Variants in DGKZ observed in about 807,000 individuals in gnomAD.
The protein encoded by DGKZ is diacylglycerol kinase zeta.
DGKZ carries 45 observed loss-of-function variants against 142.5 expected under a neutral mutation model. The observed-to-expected ratio is 0.32, with a 90% CI of 0.25 to 0.40. The LOEUF is 0.40. Among genes scored for constraint, DGKZ ranks in the 10% least tolerant of loss-of-function variants. The pLI, the probability that DGKZ is intolerant of heterozygous loss-of-function variation, is 1.00. For missense variants in DGKZ, 755 were observed against 1,306.5 expected (o/e 0.58, Z 6.51); for synonymous variants, 442 against 527.0 (o/e 0.84, Z 2.21).
At chr11:46,365,174 T>C (rs1297245794) in intron 1 of DGKZ, 1 of 985,186 alleles carries the variant, frequency 1.0e-6, no homozygotes, top group Non-Finnish European at 1.2e-6. Flanking sequence ...GGAGCTAGGA[T>C]GATGCCCACA....
chr11:46,371,665 C>T, intron 8 of DGKZ, 39 bp from the exon 9 acceptor site: 2 of 1,613,896 alleles, frequency 1.2e-6, no homozygotes, highest in Non-Finnish European at 1.7e-6. Flanking sequence ...CTACCCCAGC[C>T]TGCCCACCTC....
rs1328114849 is a variant in DGKZ at position 46,375,428 on chromosome 11, A to G, written c.1711-4A>G. 2 of 1,566,754 alleles carry G rather than the reference A, an allele frequency of 1.3e-6. No homozygotes were observed. The highest frequency in any genetic ancestry group is 8.6e-7 in the Non-Finnish European group (1 of 1,161,624). ...CATCTGACCCAAGCTTCCTGTGCCC[A>G]CAGGCCGCGCTGCAGGTGGGCGGAC... On this transcript the variant is annotated splice_region_variant and splice_polypyrimidine_tract_variant and intron_variant, in intron 19 of 30. Transcript: ENST00000527911.
At chr11:46,362,242 A>C (rs1942744873) in intron 1 of DGKZ, among the ~76,000 whole-genome samples, 1 of 152,116 alleles carries the variant, frequency 6.6e-6, no homozygotes, top group African/African-American at 2.4e-5. Flanking sequence ...GGCCCTGCCC[A>C]GGGTGTGGAG....
rs1407418728 is a variant in DGKZ at position 46,374,465 on chromosome 11, T to C, written c.1461+11T>C. On this transcript the variant is annotated intron_variant, in intron 16 of 30. Coordinates refer to ENST00000527911, the Ensembl canonical transcript of DGKZ. Reference sequence around the variant, plus strand: ...ATGTTCTACGCCGGGGTGAGTGGGGTCTGCACCCCCGCCTGTGCCCACCTC... The same window carrying C: ...ATGTTCTACGCCGGGGTGAGTGGGGCCTGCACCCCCGCCTGTGCCCACCTC... The C allele has an allele frequency of 6.2e-7, 1 of 1,613,744 alleles. No individual in the cohort carries two copies.
intron 1 of DGKZ, chr11:46,366,051 C>A: frequency 2.0e-6 from 2 of 985,418 alleles, no homozygotes; most frequent in Non-Finnish European, 1.2e-6. Flanking sequence ...CTGGGATCCT[C>A]ACATGGAGGT....
chr11:46,370,055 T>C, intron 6 of DGKZ, 46 bp downstream of exon 6: 1 of 1,608,562 alleles, frequency 6.2e-7, no homozygotes, highest in Non-Finnish European at 8.5e-7. Context: ...CCTGCGGTCC[T>C]GAGCCCAGGC....
chr11:46,355,200 C>T (rs1394516563), intron 1 of DGKZ, among the ~76,000 whole-genome samples: 1 of 152,102 alleles, frequency 6.6e-6, no homozygotes, highest in African/African-American at 2.4e-5. Context: ...GCTCTGCCTC[C>T]CGGGTTCAGG....
rs1268697820 is a variant in DGKZ at position 46,378,514 on chromosome 11, G to A, written c.2418+14G>A. 3 of 1,613,000 alleles carry A rather than the reference G, an allele frequency of 1.9e-6. No individual in the cohort carries two copies. Among genetic ancestry groups the A allele is most frequent in the Non-Finnish European group, 2.5e-6 (3 of 1,179,848 alleles). On this transcript the variant is annotated intron_variant, in intron 27 of 30. Coordinates refer to ENST00000527911, the Ensembl canonical transcript of DGKZ. ...GACTTCTGTAAGGTACTAGCTCCAG[G>A]CTCCAGTTCCTTCCCCCAGCAGCTC...
intron 1 of DGKZ, among the ~76,000 whole-genome samples, chr11:46,350,501 C>T (rs1941236517): frequency 6.6e-6 from 1 of 152,108 alleles, no homozygotes; most frequent in Admixed American, 6.5e-5. Flanking sequence ...ATCCCGCCCC[C>T]TCCCCACCCC....
intron 24 of DGKZ, 144 bp from the exon 25 acceptor site, chr11:46,376,929 G>A (rs1441355790): frequency 1.5e-5 from 11 of 721,164 alleles, no homozygotes; most frequent in Admixed American, 7.9e-5. Context: ...AGGAGTGGGA[G>A]AGGGACAGGC....
At chr11:46,370,360 C>G (rs112339721) in intron 6 of DGKZ, among the ~76,000 whole-genome samples, 19 of 152,362 alleles carry the variant, frequency 1.2e-4, no homozygotes, top group African/African-American at 3.8e-4. Flanking sequence ...CTCCTGAGGA[C>G]AGTGTGGCTT....
intron 5 of DGKZ, 126 bp from the exon 6 acceptor site, chr11:46,369,815 C>A: frequency 9.5e-7 from 1 of 1,057,858 alleles, no homozygotes; most frequent in Non-Finnish European, 1.4e-6. Context: ...TTTAGCCCCT[C>A]CTCCACTCAT....
upstream of DGKZ, chr11:46,345,354 C>A (rs574394365): frequency 4.3e-6 from 6 of 1,394,728 alleles, no homozygotes; most frequent in Non-Finnish European, 5.5e-6. This position sits in a 1 kb window ranked among gnomAD's most constrained non-coding sequence, Gnocchi z 4.1. Context: ...CAGGCCCCCC[C>A]CTCGACCCCA....
At position 46,372,574 on chromosome 11, in the gene DGKZ, G is replaced by A. The variant is rs765346399; in HGVS notation, c.1011-43G>A. 1.9e-6 allele frequency: 3 copies of A among 1,613,720 alleles called. No individual in the cohort carries two copies. The African/African-American group carries it at 4.0e-5, about 22-fold the overall frequency. The stretch of plus-strand genomic sequence containing the variant: ...GAACTTGCCTCACTCCTGGGGTACA[G>A]CACACATCCCCTGACCCCACTGCCA... On this transcript the variant is annotated intron_variant, in intron 11 of 30. Transcript: ENST00000527911. This position sits in a 1 kb window ranked among gnomAD's most constrained non-coding sequence, Gnocchi z 5.9.
intron 1 of DGKZ, among the ~76,000 whole-genome samples, chr11:46,340,271 G>A (rs894714043): frequency 2.6e-5 from 4 of 152,212 alleles, no homozygotes; most frequent in African/African-American, 9.7e-5. Flanking sequence ...TAGGTAGTAA[G>A]GGGGCTGAAA....
intron 4 of DGKZ, 187 bp downstream of exon 4, chr11:46,368,266 G>T: frequency 1.4e-6 from 1 of 694,186 alleles, no homozygotes; most frequent in South Asian, 1.5e-5. Context: ...ATTAGCTGCT[G>T]TATCCCCACT....
chr11:46,355,585 G>A (rs947583456), intron 1 of DGKZ, among the ~76,000 whole-genome samples: 2 of 152,174 alleles, frequency 1.3e-5, no homozygotes, highest in African/African-American at 4.8e-5. Flanking sequence ...TCATGTAGCT[G>A]GTCAGAGGCA....
At chr11:46,352,231 A>C (rs2136409270) in intron 1 of DGKZ, among the ~76,000 whole-genome samples, 1 of 152,244 alleles carries the variant, frequency 6.6e-6, no homozygotes, top group South Asian at 2.1e-4. Context: ...CACCCACTTT[A>C]AGGCAGGAGA....
At chr11:46,335,455 GCA>G (rs1564987818) in intron 1 of DGKZ, among the ~76,000 whole-genome samples, 1 of 147,384 alleles carries the variant, frequency 6.8e-6, no homozygotes, top group African/African-American at 2.6e-5. Context: ...ACACACACAC[GCA>G]CACAGCGGCA....
Sources: gnomAD v4.1 joint callset for allele counts (sites outside exome capture counted in the v4.1 genomes callset) on GRCh38, gnomAD v4.1.1 for gene constraint, Gnocchi (gnomAD v3.1) non-coding constraint, MANE v1.5 for transcripts, NCBI Gene and HGNC (gene_info 2026-07-23, HGNC 2026-07-21) for gene names.